The following LRFN5 variants were observed in gnomAD, a reference collection of about 807,000 sequenced individuals.
The protein encoded by LRFN5 is leucine rich repeat and fibronectin type III domain containing 5, also known as leucine-rich repeat and fibronectin type-III domain-containing protein 5.
In LRFN5, 24 loss-of-function variants were observed where a neutral mutation model predicts 45.6. The ratio of observed to expected loss-of-function variants is 0.53; its 90% CI spans 0.38 to 0.74. LRFN5 has a LOEUF of 0.74. Among genes scored for constraint, LRFN5 ranks in the 30% least tolerant of loss-of-function variants. The pLI, the probability that LRFN5 is intolerant of heterozygous loss-of-function variation, is 0.00. For missense variants in LRFN5, 776 were observed against 861.5 expected (o/e 0.90, Z 1.24); for synonymous variants, 340 against 313.8 (o/e 1.08, Z -0.88).
chr14:41,803,346 C>T (rs948487840), intron 2 of LRFN5, among the ~76,000 whole-genome samples: 1 of 151,766 alleles, frequency 6.6e-6, no homozygotes, highest in Non-Finnish European at 1.5e-5. Flanking sequence ...CATTTATGTG[C>T]ATATAGCTTT....
intron 1 of LRFN5, among the ~76,000 whole-genome samples, chr14:41,678,135 C>A (rs1226861968): frequency 1.3e-5 from 2 of 151,780 alleles, no homozygotes; most frequent in Non-Finnish European, 2.9e-5. Context: ...TAAAAAAGAG[C>A]TAGAGTGGAT....
At chr14:41,879,422 G>A (rs1012814490) in intron 2 of LRFN5, among the ~76,000 whole-genome samples, 10 of 151,612 alleles carry the variant, frequency 6.6e-5, no homozygotes, top group African/African-American at 1.2e-4. Flanking sequence ...AAGAATTTCC[G>A]TATACCCTTT....
intron 2 of LRFN5, among the ~76,000 whole-genome samples, chr14:41,778,761 A>G (rs1048426676): frequency 9.9e-5 from 15 of 151,928 alleles, no homozygotes; most frequent in Middle Eastern, 3.4e-3. Context: ...AAGCTACGTA[A>G]TAACCATTTC....
chr14:41,647,742 A>G lies in LRFN5; in HGVS notation c.-197+39180A>G, dbSNP rs1056412079. On this transcript the variant is annotated intron_variant, in intron 1 of 5. Transcript: ENST00000298119. ...GATTCAAAACTTAACATAAGAAGAG[A>G]TGCCAACTCTGGACCAAGAAGAGAT... Among the ~76,000 whole-genome samples the G allele has an allele frequency of 5.9e-5, 9 of 152,164 alleles. 1 individual carries two copies. Among genetic ancestry groups the G allele is most frequent in the Admixed American group, 2.0e-4 (3 of 15,270 alleles).
chr14:41,821,808 T>C (rs2139014449), intron 2 of LRFN5, among the ~76,000 whole-genome samples: 1 of 151,402 alleles, frequency 6.6e-6, no homozygotes, highest in South Asian at 2.1e-4. Context: ...GGGGGGAGAT[T>C]TGTTTTTTAA....
chr14:41,741,993 TA>T (rs1450235718), intron 1 of LRFN5, among the ~76,000 whole-genome samples: 2 of 151,734 alleles, frequency 1.3e-5, no homozygotes, highest in Admixed American at 1.3e-4. Context: ...TTAAAATGGC[TA>T]TTACAAAAAT....
At chr14:41,773,630 A>G (rs1216267326) in intron 2 of LRFN5, among the ~76,000 whole-genome samples, 1 of 151,954 alleles carries the variant, frequency 6.6e-6, no homozygotes, top group African/African-American at 2.4e-5. Flanking sequence ...ATTTTTGTCT[A>G]AAAAATAATT....
At chr14:41,858,074 TA>T (rs1889533825) in intron 2 of LRFN5, among the ~76,000 whole-genome samples, 1 of 152,212 alleles carries the variant, frequency 6.6e-6, no homozygotes, top group Non-Finnish European at 1.5e-5. Flanking sequence ...GTTATTATAT[TA>T]AGAGATGACA....
intron 1 of LRFN5, among the ~76,000 whole-genome samples, chr14:41,677,721 TAAAG>T (rs1274588754): frequency 1.3e-5 from 2 of 151,914 alleles, no homozygotes; most frequent in Non-Finnish European, 2.9e-5. Flanking sequence ...ATAAAATCAA[TAAAG>T]AAAATTGAAT....
chr14:41,808,219 G>GAAGA (rs1474743183), intron 2 of LRFN5, among the ~76,000 whole-genome samples: 69 of 144,402 alleles, frequency 4.8e-4, no homozygotes, highest in African/African-American at 1.3e-3. Flanking sequence ...AGGAAGGAAG[G>GAAGA]AAGGAAGGAA....
intron 1 of LRFN5, among the ~76,000 whole-genome samples, chr14:41,729,294 C>T (rs551223762): frequency 5.7e-4 from 86 of 152,092 alleles, no homozygotes; most frequent in African/African-American, 1.5e-3. Context: ...TGTAGCACCT[C>T]CCTTATTTCT....
chr14:41,856,669 A>ATTTTTTTTTTTTTTTTTT (rs1385323571), intron 2 of LRFN5, among the ~76,000 whole-genome samples: 1 of 10,044 alleles, frequency 1.0e-4, no homozygotes, highest in Non-Finnish European at 2.6e-4. Context: ...AATTATTATT[A>ATTTTTTTTTTTTTTTTTT]TTATTATTTT....
At chr14:41,744,741 G>A (rs1243732994) in intron 1 of LRFN5, among the ~76,000 whole-genome samples, 1 of 152,126 alleles carries the variant, frequency 6.6e-6, no homozygotes, top group Non-Finnish European at 1.5e-5. Flanking sequence ...AGCTGGGGTA[G>A]CTATAGTAAT....
intron 1 of LRFN5, among the ~76,000 whole-genome samples, chr14:41,665,563 TATC>T (rs144357348): frequency 0.019 from 2,817 of 152,138 alleles, 79 homozygotes; most frequent in African/African-American, 0.064. Flanking sequence ...ACAGCAAAAG[TATC>T]ATAATAAGAC....
intron 1 of LRFN5, among the ~76,000 whole-genome samples, chr14:41,726,791 A>G (rs553965252): frequency 6.6e-6 from 1 of 152,336 alleles, no homozygotes; most frequent in African/African-American, 2.4e-5. Context: ...TAAAATGGGT[A>G]ATATTTTAAT....
chr14:41,674,434 A>G (rs1594604537), intron 1 of LRFN5, among the ~76,000 whole-genome samples: 1 of 97,134 alleles, frequency 1.0e-5, no homozygotes, highest in Admixed American at 1.1e-4. Flanking sequence ...GGAGCTCCTC[A>G]CTTCCCAGTA....
chr14:41,699,556 G>A (rs964746479), intron 1 of LRFN5: 3 of 152,062 alleles, frequency 2.0e-5, no homozygotes, highest in Admixed American at 1.3e-4. Flanking sequence ...AAGATTAATA[G>A]AACTTACGAG....
At chr14:41,629,893 T>G (rs1339470828) in intron 1 of LRFN5, among the ~76,000 whole-genome samples, 1 of 152,182 alleles carries the variant, frequency 6.6e-6, no homozygotes, top group African/African-American at 2.4e-5. Context: ...CTTTTTTTTA[T>G]GTAGTGGCTG....
At chr14:41,650,266 C>CACAAAA (rs1247683262) in intron 1 of LRFN5, among the ~76,000 whole-genome samples, 17 of 135,528 alleles carry the variant, frequency 1.3e-4, no homozygotes, top group African/African-American at 4.2e-4. Flanking sequence ...CACACACACA[C>CACAAAA]AAAAAAAAAA....
Sources: allele counts gnomAD v4.1 joint callset (sites outside exome capture counted in the v4.1 genomes callset), GRCh38; gene constraint gnomAD v4.1.1; transcripts MANE v1.5; gene names NCBI Gene and HGNC (gene_info 2026-07-23, HGNC 2026-07-21).